MUC17: variants seen among roughly 807,000 people sequenced by gnomAD.
MUC17 encodes mucin-17.
MUC17 carries 190 observed loss-of-function variants against 170.3 expected under a neutral mutation model. That is an observed-to-expected ratio of 1.12 (90% confidence interval 0.99 to 1.26). The LOEUF is 1.26. Ranked by LOEUF, MUC17 falls within the 50% of genes most tolerant of loss-of-function variation. MUC17 has a pLI of 0.00. For missense variants in MUC17, 6,415 were observed against 5,530.0 expected (o/e 1.16, Z -5.08); for synonymous variants, 2,325 against 2,002.5 (o/e 1.16, Z -4.30).
In MUC17 at chr7:101,036,999, G is replaced by C. The variant is rs141016213; in HGVS notation, c.5583G>C (p.Thr1861=). 1 of 1,576,082 alleles carries C rather than the reference G, an allele frequency of 6.3e-7. No homozygotes were observed. Among genetic ancestry groups the C allele is most frequent in the Admixed American group, 1.7e-5 (1 of 57,622 alleles). The part of the protein sequence containing the change: ...PAEGTSIATS[T]PSEGSTALTS... Reference sequence around the variant, plus strand: ...AAGGTACCAGCATAGCAACCTCAACGCCTAGTGAAGGAAGCACTGCATTAA... The same window carrying C: ...AAGGTACCAGCATAGCAACCTCAACCCCTAGTGAAGGAAGCACTGCATTAA... The change falls in exon 3 of 13, where the codon ACG becomes ACC. Residue 1861 remains threonine (T), a synonymous_variant. Coordinates refer to ENST00000306151, the MANE Select transcript of MUC17 (RefSeq NM_001040105.2).
Position 101,049,335 on chromosome 7 carries a change from G to A in MUC17, c.12675G>A (p.Val4225=), listed in dbSNP as rs371594833. 6 of 1,614,046 alleles carry A rather than the reference G, an allele frequency of 3.7e-6. No individual in the cohort carries two copies. The African/African-American group carries it at 5.3e-5, about 14-fold the overall frequency. Residue 4225 remains valine, a synonymous_variant, in exon 6 of 13, where the codon GTG becomes GTA. Coordinates refer to ENST00000306151, the MANE Select transcript of MUC17 (RefSeq NM_001040105.2). ...KQTFTEQMNI[V]YSGIPEYVGV... Reference sequence around the variant, plus strand: ...CCCTTGCCTTTCAGATGAATATTGTGTATTCCGGGATCCCTGAGTATGTCG... The same window carrying A: ...CCCTTGCCTTTCAGATGAATATTGTATATTCCGGGATCCCTGAGTATGTCG...
Position 101,053,335 on chromosome 7 carries a change from C to A in MUC17, c.13266-4C>A, listed in dbSNP as rs10244048. 0.022 allele frequency: 35,181 copies of A among 1,613,288 alleles called. 461 individuals are homozygous for A. The highest frequency in any genetic ancestry group is 0.023 in the South Asian group (2,126 of 91,054). On this transcript the variant is annotated splice_region_variant and splice_polypyrimidine_tract_variant and intron_variant, in intron 10 of 12. Coordinates refer to ENST00000306151, the MANE Select transcript of MUC17 (RefSeq NM_001040105.2). ...TGGGGTCTCTCTGATGTTTCCATCA[C>A]TAGGCAAAAGTACAGATTGTCTCAG... is the stretch of plus-strand genomic sequence containing the variant.
rs1183552709 is a variant in MUC17 at position 101,032,697 on chromosome 7, T to A, written c.1281T>A (p.Ala427=). The change falls in exon 3 of 13, where the codon GCT becomes GCA. Residue 427 remains alanine (A), a synonymous_variant. Coordinates refer to ENST00000306151, the MANE Select transcript of MUC17 (RefSeq NM_001040105.2). ...PVDSKTFVTT[A]SEASSSPTTA... ...ACTCCAAAACTTTTGTGACCACTGC[T>A]AGTGAAGCCAGCTCATCTCCCACAA... The A allele has an allele frequency of 3.2e-6, 5 of 1,576,692 alleles. No homozygotes were observed. In the African/African-American group the frequency reaches 6.7e-5, roughly 21 times the overall value.
rs745935283 is a variant in MUC17 at position 101,040,822 on chromosome 7, G to A, written c.9406G>A (p.Val3136Met). ...AACTCCTGTTGACACCAGCACACCT[G>A]TGACCACTTCTACTGAAGCCCATTC... ...STTPVDTSTP[V>M]TTSTEAHSSP... The change falls in exon 3 of 13, where the codon GTG (valine) becomes ATG (methionine). Residue 3136 changes from valine to methionine, a missense_variant. By Grantham distance (21) the Val-to-Met change is conservative. Coordinates refer to ENST00000306151, the MANE Select transcript of MUC17 (RefSeq NM_001040105.2). The A allele has an allele frequency of 6.2e-7, 1 of 1,613,596 alleles. No homozygotes were observed. The highest frequency in any genetic ancestry group is 1.7e-5 in the Admixed American group (1 of 59,890).
rs1223662493 is a variant in MUC17, at chr7:101,036,655, G to A, written c.5239G>A (p.Gly1747Arg). The A allele has an allele frequency of 1.2e-6, 2 of 1,612,852 alleles. No individual in the cohort carries two copies. The highest frequency in any genetic ancestry group is 1.7e-6 in the Non-Finnish European group (2 of 1,179,670). The change falls in exon 3 of 13, where the codon GGA becomes AGA. Residue 1747 changes from glycine to arginine, a missense_variant. Gly to Arg is a moderately radical substitution (Grantham distance 125, BLOSUM62 -2). Coordinates refer to ENST00000306151, the MANE Select transcript of MUC17 (RefSeq NM_001040105.2). ...TSMPNSTPSE[G>R]TTPLTSIPVS... Reference sequence around the variant, plus strand: ...CATGCCAAACTCAACTCCTAGTGAAGGAACCACTCCATTAACAAGTATACC... The same window carrying A: ...CATGCCAAACTCAACTCCTAGTGAAAGAACCACTCCATTAACAAGTATACC...
intron 1 of MUC17, among the ~76,000 whole-genome samples, chr7:101,029,796 A>G (rs1285095055): frequency 2.6e-5 from 4 of 151,932 alleles, no homozygotes; most frequent in African/African-American, 9.7e-5. Context: ...ACAGGGTTTC[A>G]CCATGTTGGC....
chr7:101,047,338 C>T (rs1490128777), intron 3 of MUC17, among the ~76,000 whole-genome samples: 3 of 152,140 alleles, frequency 2.0e-5, no homozygotes, highest in Non-Finnish European at 2.9e-5. Context: ...GCTCACCTCT[C>T]ACAATACCAG....
rs1439607279 is a variant in MUC17, at chr7:101,049,325, T to C, written c.12665T>C (p.Met4222Thr). ...QEFKQTFTEQ[M>T]NIVYSGIPEY... ...ACACAGTGGCCCCTTGCCTTTCAGA[T>C]GAATATTGTGTATTCCGGGATCCCT... Residue 4222 changes from methionine to threonine, a missense_variant and splice_region_variant, in exon 6 of 13, where the codon ATG becomes ACG. Coordinates refer to ENST00000306151, the MANE Select transcript of MUC17 (RefSeq NM_001040105.2). 3.7e-6 allele frequency: 6 copies of C among 1,614,048 alleles called. No homozygotes were observed. The highest frequency in any genetic ancestry group is 5.1e-6 in the Non-Finnish European group (6 of 1,180,042).
At position 101,036,343 on chromosome 7, in the gene MUC17, G is replaced by T. The variant is rs765284835; in HGVS notation, c.4927G>T (p.Val1643Leu). 1 of 1,613,768 alleles carries T rather than the reference G, an allele frequency of 6.2e-7. No homozygotes were observed. The change falls in exon 3 of 13, where the codon GTG becomes TTG. Residue 1643 changes from valine (V) to leucine (L), a missense_variant. Transcript: ENST00000306151. The part of the protein sequence containing the change: ...LTSIPVSTTP[V>L]ASPEASTLST... ...AAGTATACCTGTCAGCACCACGCCG[G>T]TGGCCAGTCCTGAGGCTAGCACCCT... is the stretch of plus-strand genomic sequence containing the variant.
intron 6 of MUC17, among the ~76,000 whole-genome samples, 196 bp from the exon 7 acceptor site, chr7:101,050,288 C>T (rs1794913442): frequency 6.6e-6 from 1 of 152,158 alleles, no homozygotes; most frequent in Admixed American, 6.5e-5. Context: ...TAGCAGGGGG[C>T]CCAGCGCAGT....
At position 101,041,334 on chromosome 7, in the gene MUC17, T is replaced by C. The variant is rs751969258; in HGVS notation, c.9918T>C (p.Ala3306=). 3 of 1,611,006 alleles carry C rather than the reference T, an allele frequency of 1.9e-6. No homozygotes were observed. The Admixed American group carries it at 5.0e-5, about 27-fold the overall frequency. Residue 3306 remains alanine (A), a synonymous_variant, in exon 3 of 13, where the codon GCT becomes GCC. Coordinates refer to ENST00000306151, the MANE Select transcript of MUC17 (RefSeq NM_001040105.2). The part of the protein sequence containing the change: ...SETSTLSTTP[A]DTSTPVTTYS... Reference sequence around the variant, plus strand: ...CGAGCACCCTTTCAACAACTCCTGCTGACACCAGCACACCTGTGACCACTT... The same window carrying C: ...CGAGCACCCTTTCAACAACTCCTGCCGACACCAGCACACCTGTGACCACTT...
Position 101,038,880 on chromosome 7 carries a change from C to G in MUC17, c.7464C>G (p.Thr2488=), listed in dbSNP as rs767447088. The change falls in exon 3 of 13, where the codon ACC becomes ACG. Residue 2488 remains threonine, a synonymous_variant. Coordinates refer to ENST00000306151, the MANE Select transcript of MUC17 (RefSeq NM_001040105.2). ...TTPVDTSTPM[T]TSTEASSSPT... is the part of the protein sequence containing the mutation. ...CTGTTGACACCAGCACACCTATGAC[C>G]ACTTCTACTGAAGCCAGTTCATCTC... is the stretch of plus-strand genomic sequence containing the variant. 6 of 1,613,922 alleles carry G rather than the reference C, an allele frequency of 3.7e-6. No individual in the cohort carries two copies. The Admixed American group carries it at 6.7e-5, about 18-fold the overall frequency.
In MUC17 at chr7:101,039,817, C is replaced by A. The variant is rs753157006; in HGVS notation, c.8401C>A (p.Pro2801Thr). ...SPTTAEVTSMPTSTPSETSTP... is the reference protein window; with the variant it reads ...SPTTAEVTSMTTSTPSETSTP... ...TACAACTGCTGAAGTTACCAGCATG[C>A]CAACCTCAACTCCTAGTGAAACAAG... The change falls in exon 3 of 13, where the codon CCA becomes ACA. Residue 2801 changes from proline (P) to threonine (T), a missense_variant. Coordinates refer to ENST00000306151, the MANE Select transcript of MUC17 (RefSeq NM_001040105.2). 6.2e-7 allele frequency: 1 copy of A among 1,609,348 alleles called. No homozygotes were observed. The highest frequency in any genetic ancestry group is 1.1e-5 in the South Asian group (1 of 90,958).
In MUC17 at chr7:101,041,493, C is replaced by T. The variant is rs748083307; in HGVS notation, c.10077C>T (p.Thr3359=). 2.8e-5 allele frequency: 45 copies of T among 1,613,704 alleles called. No homozygotes were observed. Among genetic ancestry groups the T allele is most frequent in the East Asian group, 1.1e-4 (5 of 44,870 alleles). ...CAGTGGTCAGTTCTGAGGCTAGCAC[C>T]CTTTCCACAACTCCTGTTGACACCA... is the stretch of plus-strand genomic sequence containing the variant. ...TTPVVSSEAS[T]LSTTPVDTST... Residue 3359 remains threonine (T), a synonymous_variant, in exon 3 of 13, where the codon ACC becomes ACT. Transcript: ENST00000306151.
In MUC17 at chr7:101,039,831, T is replaced by G. The variant is rs749354428; in HGVS notation, c.8415T>G (p.Pro2805=). ...AEVTSMPTST[P]SETSTPLTSM... Reference sequence around the variant, plus strand: ...TTACCAGCATGCCAACCTCAACTCCTAGTGAAACAAGTACTCCATTAACTA... The same window carrying G: ...TTACCAGCATGCCAACCTCAACTCCGAGTGAAACAAGTACTCCATTAACTA... The change falls in exon 3 of 13, where the codon CCT becomes CCG. Residue 2805 remains proline, a synonymous_variant. Transcript: ENST00000306151. 1 of 1,610,590 alleles carries G rather than the reference T, an allele frequency of 6.2e-7. No homozygotes were observed. Among genetic ancestry groups the G allele is most frequent in the Admixed American group, 1.7e-5 (1 of 59,614 alleles).
At position 101,035,163 on chromosome 7, in the gene MUC17, T is replaced by G. The variant is rs1410547509; in HGVS notation, c.3747T>G (p.Pro1249=). The G allele has an allele frequency of 6.2e-7, 1 of 1,611,102 alleles. No individual in the cohort carries two copies. ...CATCTCCCGTTGACACCAGCACACCTGTGACCACTTCTGCTGAAACCAGTT... is the reference window on the plus strand; with the variant it reads ...CATCTCCCGTTGACACCAGCACACCGGTGACCACTTCTGCTGAAACCAGTT... ...LSTSPVDTST[P]VTTSAETSSS... is the part of the protein sequence containing the mutation. The change falls in exon 3 of 13, where the codon CCT becomes CCG. Residue 1249 remains proline, a synonymous_variant. Transcript: ENST00000306151.
At chr7:101,051,282 T>A (rs1483509415) in intron 7 of MUC17, among the ~76,000 whole-genome samples, 1 of 146,734 alleles carries the variant, frequency 6.8e-6, no homozygotes, top group Non-Finnish European at 1.5e-5. Flanking sequence ...GGAGAATCGC[T>A]TGAAACCGGG....
At position 101,038,845 on chromosome 7, in the gene MUC17, T is replaced by C; in HGVS notation, c.7429T>C (p.Ser2477Pro). ...PVVSSEAGTL[S>P]TTPVDTSTPM... Reference sequence around the variant, plus strand: ...GGTCAGTTCTGAGGCTGGCACCCTTTCCACAACTCCTGTTGACACCAGCAC... The same window carrying C: ...GGTCAGTTCTGAGGCTGGCACCCTTCCCACAACTCCTGTTGACACCAGCAC... Residue 2477 changes from serine to proline, a missense_variant, in exon 3 of 13, where the codon TCC becomes CCC. Physicochemically the swap from Ser to Pro is moderately conservative, Grantham distance 74. Transcript: ENST00000306151. 6.2e-7 allele frequency: 1 copy of C among 1,612,812 alleles called. No individual in the cohort carries two copies. The highest frequency in any genetic ancestry group is 1.3e-5 in the African/African-American group (1 of 74,918).
chr7:101,041,429 G>A lies in MUC17; in HGVS notation c.10013G>A (p.Gly3338Glu). ...TSMPTSTYSE[G>E]STPLTNMSFS... ...ATGCCAACCTCAACTTATAGTGAAG[G>A]AAGCACTCCACTAACAAATATGTCT... Residue 3338 changes from glycine (G) to glutamate (E), a missense_variant, in exon 3 of 13, where the codon GGA becomes GAA. By Grantham distance (98) the Gly-to-Glu change is moderately conservative. Coordinates refer to ENST00000306151, the MANE Select transcript of MUC17 (RefSeq NM_001040105.2). 6.2e-7 allele frequency: 1 copy of A among 1,614,068 alleles called. No individual in the cohort carries two copies.
Sources: gnomAD v4.1 joint callset for allele counts (sites outside exome capture counted in the v4.1 genomes callset) on GRCh38, gnomAD v4.1.1 for gene constraint, MANE v1.5 for transcripts, NCBI Gene and HGNC (gene_info 2026-07-23, HGNC 2026-07-21) for gene names.